The following DPP8 variants were observed in gnomAD, a reference collection of about 807,000 sequenced individuals.
DPP8 encodes dipeptidyl peptidase 8, also known as DPP VIII.
Under a neutral mutation model 107.5 loss-of-function variants are expected in DPP8, and 31 were observed. That is an observed-to-expected ratio of 0.29 (90% CI 0.22 to 0.39). The LOEUF is 0.39. Among genes scored for constraint, DPP8 ranks in the 10% least tolerant of loss-of-function variants. The pLI is 1.00. For missense variants in DPP8, 842 were observed against 1,076.1 expected, an observed-to-expected ratio of 0.78 and a Z score of 3.04; for synonymous variants, 381 against 356.6, an observed-to-expected ratio of 1.07 and a Z score of -0.77.
intron 12 of DPP8, among the ~76,000 whole-genome samples, chr15:65,472,883 C>CA (rs2066025353): frequency 6.6e-6 from 1 of 151,958 alleles, no homozygotes; most frequent in East Asian, 1.9e-4. Context: ...ACAAAAAATA[C>CA]AAAAATTAGC....
intron 12 of DPP8, among the ~76,000 whole-genome samples, chr15:65,467,530 C>T (rs2065470866): frequency 6.6e-6 from 1 of 152,138 alleles, no homozygotes; most frequent in Non-Finnish European, 1.5e-5. Flanking sequence ...CATACACCAC[C>T]ATGCCCAGCT....
At chr15:65,447,806 CT>C (rs765111061) in intron 19 of DPP8, among the ~76,000 whole-genome samples, 5 of 152,140 alleles carry the variant, frequency 3.3e-5, no homozygotes, top group Non-Finnish European at 5.9e-5. Flanking sequence ...AAAATCTGGG[CT>C]TTTGAGTTAG....
chr15:65,494,157 T>TTTTTTTTC, intron 5 of DPP8, among the ~76,000 whole-genome samples: 1 of 146,046 alleles, frequency 6.8e-6, no homozygotes, highest in Non-Finnish European at 1.5e-5. Flanking sequence ...TCCTTTTTTT[T>TTTTTTTTC]TTTTTTAGAG....
At chr15:65,457,759 T>TG (rs1435607513) in intron 15 of DPP8, among the ~76,000 whole-genome samples, 3 of 152,108 alleles carry the variant, frequency 2.0e-5, no homozygotes, top group Non-Finnish European at 4.4e-5. Flanking sequence ...ATTTCTACCT[T>TG]GGGAAGAGGG....
At chr15:65,509,021 T>C (rs2070424905) in intron 2 of DPP8, among the ~76,000 whole-genome samples, 1 of 152,160 alleles carries the variant, frequency 6.6e-6, no homozygotes, top group Non-Finnish European at 1.5e-5. Flanking sequence ...TTATGATAAC[T>C]CCCATGCTAA....
chr15:65,486,925 C>G (rs1396568219), intron 7 of DPP8, among the ~76,000 whole-genome samples: 1 of 151,818 alleles, frequency 6.6e-6, no homozygotes, highest in African/African-American at 2.4e-5. Flanking sequence ...GAAATCACCA[C>G]TAGAGAACTT....
At chr15:65,489,941 A>G (rs1013262275) in intron 6 of DPP8, among the ~76,000 whole-genome samples, 19 of 145,746 alleles carry the variant, frequency 1.3e-4, no homozygotes, top group Admixed American at 4.8e-4. Context: ...CTGGTCTCGA[A>G]CTCCTGACCT....
intron 7 of DPP8, 84 bp from the exon 8 acceptor site, chr15:65,485,244 A>C (rs1197893609): frequency 1.9e-6 from 2 of 1,063,990 alleles, no homozygotes; most frequent in Non-Finnish European, 2.9e-6. Flanking sequence ...TTTACACTTT[A>C]GTTAAGAATA....
At chr15:65,481,912 T>C (rs990842955) in intron 8 of DPP8, among the ~76,000 whole-genome samples, 13 of 152,006 alleles carry the variant, frequency 8.6e-5, no homozygotes, top group African/African-American at 3.1e-4. Flanking sequence ...TTAATCACCT[T>C]AGACTCCAGT....
chr15:65,448,011 A>T (rs190103301), intron 19 of DPP8, among the ~76,000 whole-genome samples: 6 of 152,228 alleles, frequency 3.9e-5, no homozygotes, highest in African/African-American at 1.4e-4. Flanking sequence ...ATGGTAAAAG[A>T]TCCATCTGAA....
At position 65,480,140 on chromosome 15, in the gene DPP8, C is replaced by T. The variant is rs147078584; in HGVS notation, c.1296+82G>A. 75 of 1,245,976 alleles carry T rather than the reference C, an allele frequency of 6.0e-5. No homozygotes were observed. The African/African-American group carries it at 1.1e-3, about 18-fold the overall frequency. 77.2% of individuals were successfully genotyped at this position (1,245,976 alleles called of 1,614,324 possible). A position where few individuals can be genotyped will look rare whatever the true frequency, so the allele number is the denominator to read the frequency against. On this transcript the variant is annotated intron_variant, in intron 10 of 19. Transcript: ENST00000300141. ...GTCCCTTTAAACTTAAAAAAAAATG[C>T]ATTTTGATAGTTTGCTATATAACTT...
chr15:65,498,904 A>G (rs1477468871), intron 4 of DPP8, among the ~76,000 whole-genome samples: 3 of 151,996 alleles, frequency 2.0e-5, no homozygotes, highest in African/African-American at 7.2e-5. Context: ...AAATTTTTTA[A>G]ATTAGTAATT....
intron 19 of DPP8, among the ~76,000 whole-genome samples, chr15:65,449,956 TTTA>T (rs569238221): frequency 1.1e-4 from 13 of 116,292 alleles, no homozygotes; most frequent in East Asian, 1.2e-3. Flanking sequence ...CATGTAATAG[TTTA>T]TTATTATTAT....
At chr15:65,481,653 G>T (rs778688963) in intron 8 of DPP8, 38 bp from the exon 9 acceptor site, 8 of 1,173,140 alleles carry the variant, frequency 6.8e-6, no homozygotes, top group Non-Finnish European at 9.6e-6. Flanking sequence ...AGTTATAGAA[G>T]ATTTAGATAA....
chr15:65,485,763 G>A (rs780725329), intron 7 of DPP8, among the ~76,000 whole-genome samples: 3 of 151,700 alleles, frequency 2.0e-5, no homozygotes, highest in African/African-American at 4.8e-5. Context: ...TTCAAGACCA[G>A]CTTGGTCAAC....
intron 19 of DPP8, among the ~76,000 whole-genome samples, chr15:65,447,942 G>C (rs896222139): frequency 3.9e-5 from 6 of 152,144 alleles, no homozygotes; most frequent in South Asian, 4.2e-4. Context: ...AATAAAAGGA[G>C]TCAATATTTG....
chr15:65,502,730 T>C (rs893457206), intron 3 of DPP8: 4 of 152,068 alleles, frequency 2.6e-5, no homozygotes, highest in Non-Finnish European at 5.9e-5. Context: ...TAAAATGTTA[T>C]TTAAAAAATA....
chr15:65,456,450 G>C (rs2064429735), intron 15 of DPP8, 79 bp from the exon 16 acceptor site: 1 of 1,390,914 alleles, frequency 7.2e-7, no homozygotes, highest in African/African-American at 1.5e-5. Flanking sequence ...GCAAGAAATA[G>C]AAAGCTTAAT....
At chr15:65,513,221 T>TA (rs572992229) in intron 1 of DPP8, among the ~76,000 whole-genome samples, 11 of 151,918 alleles carry the variant, frequency 7.2e-5, no homozygotes, top group South Asian at 4.1e-4. Context: ...ACTCTACATT[T>TA]TTTTTTTTTT....
Sources: allele counts gnomAD v4.1 joint callset (sites outside exome capture counted in the v4.1 genomes callset), GRCh38; gene constraint gnomAD v4.1.1; transcripts MANE v1.5; gene names NCBI Gene and HGNC (gene_info 2026-07-23, HGNC 2026-07-21).